The following RGS20 variants were observed in gnomAD, a reference collection of about 807,000 sequenced individuals.
RGS20 encodes gz-selective GTPase-activating protein.
Under a neutral mutation model 33.6 loss-of-function variants are expected in RGS20, and 30 were observed. The observed-to-expected ratio is 0.89, with a 90% CI of 0.67 to 1.21. The LOEUF (loss-of-function observed/expected upper bound fraction) is 1.21, where lower values mean the gene tolerates loss of function less well. Ranked by LOEUF, RGS20 falls within the 50% of genes most tolerant of loss-of-function variation. The probability of loss-of-function intolerance (pLI) is 0.00; values close to 1 mark genes in which losing one functional copy is unlikely to be tolerated. For synonymous variants in RGS20, 208 were observed against 197.9 expected (o/e 1.05, Z -0.43); for missense variants, 472 against 502.4 (o/e 0.94, Z 0.58).
intron 2 of RGS20, among the ~76,000 whole-genome samples, chr8:53,885,365 G>A (rs1324744225): frequency 6.6e-6 from 1 of 152,200 alleles, no homozygotes; most frequent in East Asian, 1.9e-4. Context: ...TGTAATCCCA[G>A]CACTTTGGGA....
At chr8:53,942,826 TAA>T (rs60067329) in intron 3 of RGS20, among the ~76,000 whole-genome samples, 2,190 of 125,528 alleles carry the variant, frequency 0.017, 42 homozygotes, top group African/African-American at 0.05. Flanking sequence ...ATGTCTCCAC[TAA>T]AAAAAAAAAA....
chr8:53,879,109 TCTAA>T (rs1812273082), intron 1 of RGS20: 1 of 666,640 alleles, frequency 1.5e-6, no homozygotes, highest in Non-Finnish European at 2.6e-6. Flanking sequence ...GGGGAAAGAA[TCTAA>T]CTATAGGCCT....
At chr8:53,950,822 C>T (rs1208066008) in intron 4 of RGS20, among the ~76,000 whole-genome samples, 1 of 151,944 alleles carries the variant, frequency 6.6e-6, no homozygotes, top group Non-Finnish European at 1.5e-5. Flanking sequence ...ACCATGTTGC[C>T]CAGGTTGGTC....
chr8:53,930,601 A>G (rs1337677334), intron 2 of RGS20, among the ~76,000 whole-genome samples: 1 of 152,132 alleles, frequency 6.6e-6, no homozygotes, highest in African/African-American at 2.4e-5. Context: ...GCTGGAGTGC[A>G]GTGGCACGAT....
intron 5 of RGS20, among the ~76,000 whole-genome samples, chr8:53,955,508 C>CA (rs1301781247): frequency 1.3e-5 from 2 of 152,096 alleles, no homozygotes; most frequent in African/African-American, 2.4e-5. Flanking sequence ...TTCCACCTGT[C>CA]AGTGTTTCAG....
chr8:53,876,402 A>G (rs181946824), intron 1 of RGS20: 8 of 152,376 alleles, frequency 5.3e-5, no homozygotes, highest in Non-Finnish European at 5.9e-5. Flanking sequence ...ATCAGAATAA[A>G]GTATTCCCCA....
intron 2 of RGS20, among the ~76,000 whole-genome samples, chr8:53,914,467 G>C (rs1813429781): frequency 6.6e-6 from 1 of 152,010 alleles, no homozygotes; most frequent in African/African-American, 2.4e-5. Context: ...ACTGTAATTT[G>C]TGATATTTGC....
chr8:53,875,861 A>G (rs900333033), intron 1 of RGS20, among the ~76,000 whole-genome samples: 3 of 152,234 alleles, frequency 2.0e-5, no homozygotes, highest in African/African-American at 7.2e-5. Flanking sequence ...GAAACATATT[A>G]TGAAGAGTTG....
intron 2 of RGS20, chr8:53,881,046 G>A (rs576915902): frequency 1.7e-5 from 27 of 1,555,698 alleles, no homozygotes; most frequent in Non-Finnish European, 2.3e-5. Flanking sequence ...CGAGCCGGCC[G>A]GGGCTTCCTC....
intron 1 of RGS20, among the ~76,000 whole-genome samples, chr8:53,865,534 C>G (rs143521320): frequency 3.3e-5 from 5 of 152,334 alleles, no homozygotes; most frequent in African/African-American, 9.6e-5. Flanking sequence ...TTTCAAAGTT[C>G]ATTCATTTAA....
rs758958360 is a variant in RGS20, at chr8:53,946,728, T to A, written c.723T>A (p.Asp241Glu). ...TAGCTTCCCACGAACTCAGAGCAGA[T>A]CTTCCAACCTGGGAAGAAAGGTGAA... Residue 241 changes from aspartate (D) to glutamate (E), a missense_variant, in exon 4 of 6, where the codon GAT becomes GAA. By Grantham distance (45) the Asp-to-Glu change is conservative. Around this residue, in one of 3 missense-constraint regions of RGS20, gnomAD observed 319 missense variants for 283.4 expected, o/e 1.13. Coordinates refer to ENST00000297313, the MANE Select transcript of RGS20 (RefSeq NM_170587.4). 6.2e-7 allele frequency: 1 copy of A among 1,612,946 alleles called. No individual in the cohort carries two copies. The highest frequency in any genetic ancestry group is 1.1e-5 in the South Asian group (1 of 90,824).
chr8:53,903,982 ATTGCCT>A (rs1161612725), intron 2 of RGS20, among the ~76,000 whole-genome samples: 5 of 152,128 alleles, frequency 3.3e-5, no homozygotes, highest in Admixed American at 6.6e-5. Context: ...TGGGAGACAG[ATTGCCT>A]TTGCCTTTGC....
Position 53,918,786 on chromosome 8 carries a change from CATATTTTGTTTATCCATCAGTTGATAG to C in RGS20, c.511-20783_511-20757del, listed in dbSNP as rs1813567854. 2.0e-5 allele frequency among the ~76,000 whole-genome samples: 3 copies of C among 152,246 alleles called. No individual in the cohort carries two copies. The South Asian group carries it at 6.2e-4, about 32-fold the overall frequency. ...TAAATATTGCCTCGTATGGACATAT[CATATTTTGTTTATCCATCAGTTGATAG>C]ATATTTGTGTTTTTCCACTTTGTGA... On this transcript the variant is annotated intron_variant, in intron 2 of 5. Transcript: ENST00000297313.
intron 2 of RGS20, among the ~76,000 whole-genome samples, chr8:53,923,287 T>C (rs1813701015): frequency 1.3e-5 from 2 of 152,144 alleles, no homozygotes; most frequent in African/African-American, 4.8e-5. Flanking sequence ...AATATACGTA[T>C]AGAGTTTCTT....
chr8:53,898,907 C>T (rs993937645), intron 2 of RGS20, among the ~76,000 whole-genome samples: 1 of 152,208 alleles, frequency 6.6e-6, no homozygotes, highest in Non-Finnish European at 1.5e-5. Context: ...TGAAAGAAAA[C>T]ACTGAAATGC....
chr8:53,950,704 T>A (rs1025828520), intron 4 of RGS20, among the ~76,000 whole-genome samples: 1 of 151,978 alleles, frequency 6.6e-6, no homozygotes, highest in Non-Finnish European at 1.5e-5. Flanking sequence ...AACCTCTGCC[T>A]CCTGTGTTCA....
chr8:53,958,477 A>G lies in RGS20; in HGVS notation c.*19A>G, dbSNP rs1409655220. On this transcript the variant is annotated 3_prime_UTR_variant, in exon 6 of 6. Coordinates refer to ENST00000297313, the MANE Select transcript of RGS20 (RefSeq NM_170587.4). ...AGCATAGGATTTTTCAAATATATTT[A>G]TTATTAATAAAATAATAAAAGAATT... 2 of 1,292,320 alleles carry G rather than the reference A, an allele frequency of 1.5e-6. No homozygotes were observed. The highest frequency in any genetic ancestry group is 4.3e-5 in the South Asian group (2 of 46,130). The allele number at this position is 1,292,320 out of a possible 1,614,324, so 80.1% of individuals were successfully genotyped here.
intron 1 of RGS20, among the ~76,000 whole-genome samples, chr8:53,878,469 T>G (rs1812256626): frequency 6.6e-6 from 1 of 151,878 alleles, no homozygotes; most frequent in African/African-American, 2.4e-5. Context: ...ATTGCTTAGG[T>G]CTCCTAAGCA....
chr8:53,900,114 G>A (rs565817676), intron 2 of RGS20, among the ~76,000 whole-genome samples: 7 of 152,272 alleles, frequency 4.6e-5, no homozygotes, highest in African/African-American at 1.4e-4. Flanking sequence ...TGGGGTCCCT[G>A]CTATTTCAGT....
Sources: allele counts gnomAD v4.1 joint callset (sites outside exome capture counted in the v4.1 genomes callset), GRCh38; gene constraint gnomAD v4.1.1; regional missense constraint gnomAD v4.1.1; transcripts MANE v1.5; gene names NCBI Gene and HGNC (gene_info 2026-07-23, HGNC 2026-07-21).